The following TMTC3 variants were observed in gnomAD, a reference collection of about 807,000 sequenced individuals.
TMTC3 encodes the protein protein O-mannosyl-transferase TMTC3.
In TMTC3, 52 loss-of-function variants were observed where a neutral mutation model predicts 92.2. The observed-to-expected ratio is 0.56, with a 90% CI of 0.45 to 0.71. TMTC3 has a LOEUF of 0.71. TMTC3 is among the 30% of genes least tolerant of loss of function. TMTC3 has a pLI of 0.00. For synonymous variants in TMTC3, 339 were observed against 363.3 expected, an observed-to-expected ratio of 0.93 and a Z score of 0.76; for missense variants, 896 against 1,057.1, an observed-to-expected ratio of 0.85 and a Z score of 2.11.
rs1313171473 is a variant in TMTC3, at chr12:88,160,184, A to G, written c.579A>G (p.Thr193=). Residue 193 remains threonine, a synonymous_variant, in exon 5 of 14, where the codon ACA becomes ACG. Transcript: ENST00000266712. ...VATLCKEQGI[T]VVGICCVYEV... ...CATTATGTAAAGAACAAGGAATAAC[A>G]GTTGTAGGAATTTGCTGTGTGTATG... 7 of 1,589,630 alleles carry G rather than the reference A, an allele frequency of 4.4e-6. No individual in the cohort carries two copies. Among genetic ancestry groups the G allele is most frequent in the Non-Finnish European group, 6.0e-6 (7 of 1,170,302 alleles).
rs575501147 is a variant in TMTC3 at position 88,185,795 on chromosome 12, A to G, written c.1433-3048A>G. Among the ~76,000 whole-genome samples the G allele has an allele frequency of 2.1e-4, 32 of 152,216 alleles. No homozygotes were observed. In the South Asian group the frequency reaches 6.6e-3, roughly 32 times the overall value. On this transcript the variant is annotated intron_variant, in intron 10 of 13. Coordinates refer to ENST00000266712, the MANE Select transcript of TMTC3 (RefSeq NM_181783.4). ...CAAATGCTTTTGTGCACCATTTGAG[A>G]TGATGATAAGGTTTTTATTTTTTTT... is the stretch of plus-strand genomic sequence containing the variant.
intron 12 of TMTC3, 132 bp from the exon 13 acceptor site, chr12:88,192,470 AAG>A (rs2041454939): frequency 3.3e-6 from 2 of 603,492 alleles, no homozygotes; most frequent in South Asian, 2.3e-5. Context: ...TTGTTTTCGA[AAG>A]AGAGTTTTTT....
At chr12:88,168,565 G>T (rs189286482) in intron 7 of TMTC3, among the ~76,000 whole-genome samples, 1 of 152,162 alleles carries the variant, frequency 6.6e-6, no homozygotes, top group Non-Finnish European at 1.5e-5. Flanking sequence ...TTTTATTGGC[G>T]TACTCAGCTA....
chr12:88,162,572 A>C (rs576659142), intron 6 of TMTC3, among the ~76,000 whole-genome samples: 1 of 152,058 alleles, frequency 6.6e-6, no homozygotes, highest in African/African-American at 2.4e-5. Flanking sequence ...ATCTACTCTT[A>C]ATTTCATCTA....
chr12:88,151,213 A>G (rs780545487), intron 2 of TMTC3, among the ~76,000 whole-genome samples: 12 of 152,148 alleles, frequency 7.9e-5, no homozygotes, highest in Admixed American at 2.0e-4. Context: ...TCTTTGGTAT[A>G]GCCGTGGCTG....
chr12:88,145,680 A>G (rs1592718701), intron 1 of TMTC3, among the ~76,000 whole-genome samples: 1 of 152,302 alleles, frequency 6.6e-6, no homozygotes, highest in Non-Finnish European at 1.5e-5. Context: ...AGAGAAAAAG[A>G]GCAGAGAGGG....
chr12:88,155,546 G>C (rs1363544635), intron 4 of TMTC3, among the ~76,000 whole-genome samples: 1 of 152,126 alleles, frequency 6.6e-6, no homozygotes. Context: ...CCTTCTTGCT[G>C]TTCCCAAACA....
intron 10 of TMTC3, among the ~76,000 whole-genome samples, chr12:88,177,436 G>A (rs1461676789): frequency 6.6e-6 from 1 of 152,080 alleles, no homozygotes; most frequent in East Asian, 1.9e-4. Flanking sequence ...TTTCAGTTGT[G>A]TATTACTCAT....
In TMTC3 at chr12:88,195,531, A is replaced by G; in HGVS notation, c.2627A>G (p.Lys876Arg). The G allele has an allele frequency of 6.2e-7, 1 of 1,613,456 alleles. No individual in the cohort carries two copies. Among genetic ancestry groups the G allele is most frequent in the Non-Finnish European group, 8.5e-7 (1 of 1,179,758 alleles). ...TCTAAATCCAACAAACAATTAGGAA[A>G]AAATGGAGACGAAGAGACACCCCAC... is the stretch of plus-strand genomic sequence containing the variant. ...SQSKSNKQLG[K>R]NGDEETPHKT... The change falls in exon 14 of 14, where the codon AAA (lysine) becomes AGA (arginine). Residue 876 changes from lysine to arginine, a missense_variant. Transcript: ENST00000266712.
chr12:88,153,547 T>A (rs376395452), intron 3 of TMTC3, 38 bp downstream of exon 3: 5 of 1,287,414 alleles, frequency 3.9e-6, no homozygotes, highest in Non-Finnish European at 5.5e-6. Flanking sequence ...TTCTTTTTCC[T>A]TTTTTACAAA....
In TMTC3 at chr12:88,166,345, T is replaced by A; in HGVS notation, c.813T>A (p.Ala271=). Residue 271 remains alanine (A), a synonymous_variant, in exon 7 of 14, where the codon GCT becomes GCA. Transcript: ENST00000266712. ...LPVFTRFDNP[A]AVSPTPTRQL... ...CTTTATACAGGTTTGATAACCCAGC[T>A]GCTGTAAGCCCAACTCCTACAAGGC... 6.2e-7 allele frequency: 1 copy of A among 1,613,716 alleles called. No homozygotes were observed. The highest frequency in any genetic ancestry group is 8.5e-7 in the Non-Finnish European group (1 of 1,179,794).
intron 2 of TMTC3, among the ~76,000 whole-genome samples, chr12:88,150,956 C>T (rs1757777797): frequency 6.6e-6 from 1 of 152,072 alleles, no homozygotes; most frequent in Admixed American, 6.6e-5. Flanking sequence ...TAGGCTTATG[C>T]TATAGATATG....
intron 13 of TMTC3, 52 bp downstream of exon 13, chr12:88,192,882 A>G: frequency 6.3e-6 from 9 of 1,438,628 alleles, no homozygotes; most frequent in Non-Finnish European, 7.5e-6. Context: ...TTATAATATA[A>G]TAAGACCTTA....
At chr12:88,163,723 A>C (rs1479224294) in intron 6 of TMTC3, among the ~76,000 whole-genome samples, 1 of 152,124 alleles carries the variant, frequency 6.6e-6, no homozygotes, top group Non-Finnish European at 1.5e-5. Context: ...TGAGGACCCC[A>C]GTCGTTGGAT....
At chr12:88,143,915 T>G (rs2040832442) in intron 1 of TMTC3, among the ~76,000 whole-genome samples, 1 of 152,302 alleles carries the variant, frequency 6.6e-6, no homozygotes, top group South Asian at 2.1e-4. Context: ...CATTCCTAGA[T>G]CTGAGTGTTC....
intron 7 of TMTC3, among the ~76,000 whole-genome samples, chr12:88,166,992 G>GTTT (rs36110529): frequency 1.6e-5 from 2 of 121,454 alleles, no homozygotes; most frequent in Non-Finnish European, 1.8e-5. Flanking sequence ...TATTTGAACA[G>GTTT]TTTTTTTTTT....
intron 10 of TMTC3, among the ~76,000 whole-genome samples, chr12:88,181,997 T>TAGAGAGTGCTATCTGA (rs1416587876): frequency 3.3e-5 from 5 of 152,228 alleles, no homozygotes; most frequent in African/African-American, 9.6e-5. Context: ...CCTGCATAAT[T>TAGAGAGTGCTATCTGA]AGAGAGTGCT....
chr12:88,186,276 C>T (rs1350415431), intron 10 of TMTC3, among the ~76,000 whole-genome samples: 1 of 152,166 alleles, frequency 6.6e-6, no homozygotes, highest in Non-Finnish European at 1.5e-5. Context: ...AACCTGTGTA[C>T]ACAGGTGTTT....
chr12:88,186,656 T>G (rs771867595), intron 10 of TMTC3, among the ~76,000 whole-genome samples: 4 of 152,184 alleles, frequency 2.6e-5, no homozygotes, highest in Non-Finnish European at 4.4e-5. Flanking sequence ...TTTTTACATC[T>G]TGCCTTCTTT....
Sources: gnomAD v4.1 joint callset for allele counts (sites outside exome capture counted in the v4.1 genomes callset) on GRCh38, gnomAD v4.1.1 for gene constraint, MANE v1.5 for transcripts, NCBI Gene and HGNC (gene_info 2026-07-23, HGNC 2026-07-21) for gene names.